MTHFD2L: variants seen among roughly 807,000 people sequenced by gnomAD.
The protein encoded by MTHFD2L is methylenetetrahydrofolate dehydrogenase (NADP+ dependent) 2 like.
Under a neutral mutation model 34.9 loss-of-function variants are expected in MTHFD2L, and 29 were observed. That is an observed-to-expected ratio of 0.83 (90% CI 0.62 to 1.13). MTHFD2L has a LOEUF of 1.13. Among genes scored for constraint, MTHFD2L ranks in the 50% most tolerant of loss-of-function variants. The pLI is 0.00. For missense variants in MTHFD2L, 481 were observed against 446.5 expected (o/e 1.08, Z -0.70); for synonymous variants, 167 against 155.7 (o/e 1.07, Z -0.54).
chr4:74,242,188 G>A (rs1741819971), intron 6 of MTHFD2L: 2 of 41,952 alleles, frequency 4.8e-5, no homozygotes, highest in Admixed American at 6.7e-4. Context: ...AAAGCATATA[G>A]TAAATAAGTA....
intron 1 of MTHFD2L, among the ~76,000 whole-genome samples, chr4:74,126,234 A>T (rs1722062375): frequency 6.6e-6 from 1 of 152,226 alleles, no homozygotes; most frequent in Non-Finnish European, 1.5e-5. Flanking sequence ...TAGAAATAAT[A>T]GTTAAGTTTC....
At chr4:74,135,183 G>T (rs1722821357) in intron 1 of MTHFD2L, among the ~76,000 whole-genome samples, 1 of 151,918 alleles carries the variant, frequency 6.6e-6, no homozygotes, top group African/African-American at 2.4e-5. Context: ...CAAAGATCAA[G>T]CATAAAGATA....
intron 1 of MTHFD2L, among the ~76,000 whole-genome samples, chr4:74,168,456 C>T (rs1727225676): frequency 6.6e-6 from 1 of 152,220 alleles, no homozygotes; most frequent in African/African-American, 2.4e-5. Flanking sequence ...GATATCTTAA[C>T]CCACCTATGT....
intron 3 of MTHFD2L, among the ~76,000 whole-genome samples, chr4:74,179,606 A>G (rs534373959): frequency 3.5e-4 from 54 of 152,132 alleles, no homozygotes; most frequent in African/African-American, 1.3e-3. Context: ...AACTTTGATG[A>G]GTCTTACTTT....
intron 6 of MTHFD2L, among the ~76,000 whole-genome samples, chr4:74,227,344 C>A (rs1477232239): frequency 6.6e-6 from 1 of 151,880 alleles, no homozygotes; most frequent in African/African-American, 2.4e-5. Flanking sequence ...TTTCTAATCT[C>A]TAAGAGCTGC....
chr4:74,300,886 G>A (rs954682330), intron 7 of MTHFD2L, among the ~76,000 whole-genome samples: 1 of 151,988 alleles, frequency 6.6e-6, no homozygotes, highest in Admixed American at 6.6e-5. Flanking sequence ...GCCTATATTT[G>A]GACAAATAAT....
At chr4:74,289,243 C>T (rs569558490) in intron 7 of MTHFD2L, among the ~76,000 whole-genome samples, 2 of 152,214 alleles carry the variant, frequency 1.3e-5, no homozygotes, top group South Asian at 4.2e-4. Flanking sequence ...CATGGAGTTT[C>T]TTAGAAAAGG....
chr4:74,158,373 T>C (rs1724634988), intron 1 of MTHFD2L, 92 bp downstream of exon 1: 1 of 969,758 alleles, frequency 1.0e-6, no homozygotes, highest in South Asian at 4.7e-5. Context: ...GGCCCAAGGC[T>C]CGTGGGCGGC....
chr4:74,243,939 C>G (rs1742064556), intron 6 of MTHFD2L, among the ~76,000 whole-genome samples: 1 of 152,164 alleles, frequency 6.6e-6, no homozygotes, highest in Non-Finnish European at 1.5e-5. Flanking sequence ...ATAAATAACA[C>G]TGCTCAATCT....
intron 1 of MTHFD2L, among the ~76,000 whole-genome samples, chr4:74,166,733 C>G (rs917699549): frequency 1.1e-4 from 16 of 152,124 alleles, no homozygotes; most frequent in African/African-American, 3.9e-4. Context: ...AGGGCAGCAT[C>G]CAAAGATTCC....
chr4:74,231,352 T>A (rs916465332), intron 6 of MTHFD2L, among the ~76,000 whole-genome samples: 1 of 152,062 alleles, frequency 6.6e-6, no homozygotes, highest in African/African-American at 2.4e-5. Flanking sequence ...AACCAGGACA[T>A]GGAGAAGTTC....
intron 4 of MTHFD2L, among the ~76,000 whole-genome samples, chr4:74,200,181 G>A (rs2110052973): frequency 6.6e-6 from 1 of 152,050 alleles, no homozygotes; most frequent in East Asian, 1.9e-4. Flanking sequence ...GTGTGGTGGC[G>A]GGCACCTGTA....
intron 6 of MTHFD2L, among the ~76,000 whole-genome samples, chr4:74,252,252 G>A (rs1487537101): frequency 1.3e-5 from 2 of 152,134 alleles, no homozygotes; most frequent in East Asian, 1.9e-4. Context: ...ACTGGCAGCC[G>A]TGACTGCAAG....
intron 7 of MTHFD2L, among the ~76,000 whole-genome samples, chr4:74,286,218 A>G (rs1748151646): frequency 6.6e-6 from 1 of 152,216 alleles, no homozygotes; most frequent in African/African-American, 2.4e-5. Context: ...TTATGTCATT[A>G]AAAGAAGAAA....
At chr4:74,130,509 C>A (rs1173206445) in intron 1 of MTHFD2L, among the ~76,000 whole-genome samples, 1 of 152,142 alleles carries the variant, frequency 6.6e-6, no homozygotes, top group East Asian at 1.9e-4. Flanking sequence ...TCAATAGATG[C>A]AGAAAAGGCC....
intron 1 of MTHFD2L, among the ~76,000 whole-genome samples, chr4:74,146,478 A>G (rs900084100): frequency 6.6e-6 from 1 of 152,182 alleles, no homozygotes; most frequent in African/African-American, 2.4e-5. Flanking sequence ...ATCTTGCAAA[A>G]CTGAAACACT....
chr4:74,291,305 G>A (rs925642907), intron 7 of MTHFD2L, among the ~76,000 whole-genome samples: 2 of 151,776 alleles, frequency 1.3e-5, no homozygotes, highest in African/African-American at 4.8e-5. Context: ...ATGAGCCTTC[G>A]TGCCTGGCCC....
upstream of MTHFD2L, among the ~76,000 whole-genome samples, chr4:74,121,012 A>C (rs1388976722): frequency 6.6e-6 from 1 of 152,226 alleles, no homozygotes; most frequent in Non-Finnish European, 1.5e-5. Context: ...GCCAAAGTGG[A>C]ATTATGGGGG....
chr4:74,182,267 G>A (rs577438355), intron 3 of MTHFD2L, among the ~76,000 whole-genome samples: 1 of 152,278 alleles, frequency 6.6e-6, no homozygotes, highest in Non-Finnish European at 1.5e-5. Context: ...GAAGAAATGA[G>A]TGAATCCTGT....
Sources: allele counts gnomAD v4.1 joint callset (sites outside exome capture counted in the v4.1 genomes callset), GRCh38; gene constraint gnomAD v4.1.1; transcripts MANE v1.5; gene names NCBI Gene and HGNC (gene_info 2026-07-23, HGNC 2026-07-21).